The following CDK4 variants were observed in gnomAD, a reference collection of about 807,000 sequenced individuals.
CDK4 encodes cyclin-dependent kinase 4.
Under a neutral mutation model 36.7 loss-of-function variants are expected in CDK4, and 13 were observed. The observed-to-expected ratio is 0.35, with a 90% confidence interval of 0.23 to 0.56. CDK4 has a LOEUF of 0.56. CDK4 is among the 20% of genes least tolerant of loss of function. The pLI is 0.85. For missense variants in CDK4, 285 were observed against 387.3 expected (o/e 0.74, Z 2.22); for synonymous variants, 158 against 146.4 (o/e 1.08, Z -0.57).
At position 57,750,926 on chromosome 12, in the gene CDK4, G is replaced by A. The variant is rs747084709; in HGVS notation, c.519C>T (p.Pro173=). 1.4e-5 allele frequency: 22 copies of A among 1,614,150 alleles called. No individual in the cohort carries two copies. The highest frequency in any genetic ancestry group is 4.5e-5 in the East Asian group (2 of 44,882). The stretch of plus-strand genomic sequence containing the variant: ...TTGGTACCATCTTTCTACTGACCAC[G>A]GGTGTAAGTGCCATCTGGTAGCTGT... ...RIYSYQMALT[P]VVVTLWYRAP... is the part of the protein sequence containing the mutation. The change falls in exon 4 of 8, where the codon CCC becomes CCT. Residue 173 remains proline (P), a synonymous_variant. Coordinates refer to ENST00000257904, the MANE Select transcript of CDK4 (RefSeq NM_000075.4).
In CDK4 at chr12:57,748,998, G is replaced by A. The variant is rs538665809; in HGVS notation, c.819+184C>T. The A allele has an allele frequency of 1.7e-5, 13 of 777,666 alleles. No individual in the cohort carries two copies. The African/African-American group carries it at 1.7e-4, about 10-fold the overall frequency. 48.2% of individuals were successfully genotyped at this position (777,666 alleles called of 1,614,324 possible). A position where few individuals can be genotyped will look rare whatever the true frequency, so the allele number is the denominator to read the frequency against. ...TGGGATTACAGGCGTGAGCCACCGT[G>A]CCCAGCCAGGATGGGTTCTCTTCTA... On this transcript the variant is annotated intron_variant, in intron 7 of 7. Transcript: ENST00000257904.
chr12:57,748,167 C>G lies in CDK4; in HGVS notation c.*358G>C, dbSNP rs1242194964. On this transcript the variant is annotated 3_prime_UTR_variant, in exon 8 of 8. Coordinates refer to ENST00000257904, the MANE Select transcript of CDK4 (RefSeq NM_000075.4). ...AGGTTTTGCAGGAAAGTCCCTTCTT[C>G]CAAGTGGTTTTTCCAAATCGCACAA... The G allele has an allele frequency of 2.8e-6, 1 of 351,722 alleles. No individual in the cohort carries two copies. Among genetic ancestry groups the G allele is most frequent in the Non-Finnish European group, 5.3e-6 (1 of 189,340 alleles). 21.8% of individuals were successfully genotyped at this position (351,722 alleles called of 1,614,324 possible).
chr12:57,751,540 G>A lies in CDK4; in HGVS notation c.178C>T (p.Leu60=), dbSNP rs1595110993. 9 of 1,614,000 alleles carry A rather than the reference G, an allele frequency of 5.6e-6. 1 individual carries two copies. In the Admixed American group the frequency reaches 8.3e-5, roughly 15 times the overall value. The part of the protein sequence containing the change: ...PISTVREVAL[L]RRLEAFEHPN... ...TGCTCAAAAGCCTCCAGTCGCCTCA[G>A]TAAAGCCACCTCACGAACTGTGCTG... The change falls in exon 2 of 8, where the codon CTG becomes TTG. Residue 60 remains leucine, a synonymous_variant. Transcript: ENST00000257904. The surrounding 1 kb of genome is among the most constrained non-coding windows in gnomAD (Gnocchi z 4.5).
At position 57,751,244 on chromosome 12, in the gene CDK4, T is replaced by A; in HGVS notation, c.317A>T (p.Lys106Met). 1 of 1,614,196 alleles carries A rather than the reference T, an allele frequency of 6.2e-7. No individual in the cohort carries two copies. Among genetic ancestry groups the A allele is most frequent in the Non-Finnish European group, 8.5e-7 (1 of 1,180,034 alleles). ...GGCTGGCAAGCCTGGTGGGGGTGCCTTGTCCAGATATGTCCTTAGGTCCTG... is the reference window on the plus strand; with the variant it reads ...GGCTGGCAAGCCTGGTGGGGGTGCCATGTCCAGATATGTCCTTAGGTCCTG... Reference protein sequence around the residue: ...VDQDLRTYLDKAPPPGLPAET... With the variant: ...VDQDLRTYLDMAPPPGLPAET... The change falls in exon 3 of 8, where the codon AAG (lysine) becomes ATG (methionine). Residue 106 changes from lysine (K) to methionine (M), a missense_variant. By Grantham distance (95) the Lys-to-Met change is moderately conservative (BLOSUM62 -1). Coordinates refer to ENST00000257904, the MANE Select transcript of CDK4 (RefSeq NM_000075.4). This position sits in a 1 kb window ranked among gnomAD's most constrained non-coding sequence, Gnocchi z 4.5.
intron 5 of CDK4, chr12:57,750,243 A>G (rs1469952836): frequency 1.6e-5 from 3 of 190,910 alleles, no homozygotes; most frequent in African/African-American, 7.0e-5. Context: ...ATTCCAGAAC[A>G]TTTCAGAGCT....
rs1299577422 is a variant in CDK4, at chr12:57,748,599, G to C, written c.838C>G (p.Pro280Ala). ...QLLLEMLTFN[P>A]HKRISAFRAL... ...CGAAAGGCAGAGATTCGCTTGTGTG[G>C]GTTAAAAGTCAGCATTTCCTGAGGG... is the stretch of plus-strand genomic sequence containing the variant. Residue 280 changes from proline (P) to alanine (A), a missense_variant, in exon 8 of 8, where the codon CCA becomes GCA. Coordinates refer to ENST00000257904, the MANE Select transcript of CDK4 (RefSeq NM_000075.4). 6.2e-7 allele frequency: 1 copy of C among 1,613,708 alleles called. No individual in the cohort carries two copies. Among genetic ancestry groups the C allele is most frequent in the Admixed American group, 1.7e-5 (1 of 60,034 alleles).
rs778696237 is a variant in CDK4, at chr12:57,750,739, G to A, written c.549C>T (p.Pro183=). 33 of 1,613,844 alleles carry A rather than the reference G, an allele frequency of 2.0e-5. No homozygotes were observed. Among genetic ancestry groups the A allele is most frequent in the Non-Finnish European group, 2.7e-5 (32 of 1,179,844 alleles). The change falls in exon 5 of 8, where the codon CCC becomes CCT. Residue 183 remains proline (P), a synonymous_variant. Transcript: ENST00000257904. ...PVVVTLWYRA[P]EVLLQSTYAT... is the part of the protein sequence containing the mutation. The stretch of plus-strand genomic sequence containing the variant: ...CATATGTGGACTGCAGAAGAACTTC[G>A]GGAGCTCGGTACCAGAGTGTAACAA...
rs1955232628 is a variant in CDK4 at position 57,751,189 on chromosome 12, C to T, written c.354+18G>A. On this transcript the variant is annotated intron_variant, in intron 3 of 7. Transcript: ENST00000257904. This position sits in a 1 kb window ranked among gnomAD's most constrained non-coding sequence, Gnocchi z 4.5. ...AAAGGTCCCAATCCACCTCTCAATG[C>T]CTACCAACCCCACTCACCTTGATCG... 6.2e-7 allele frequency: 1 copy of T among 1,614,186 alleles called. No homozygotes were observed. The highest frequency in any genetic ancestry group is 8.5e-7 in the Non-Finnish European group (1 of 1,180,026).
chr12:57,748,824 G>A lies in CDK4; in HGVS notation c.820-207C>T, dbSNP rs1595108246. 5.3e-6 allele frequency: 3 copies of A among 569,528 alleles called. No individual in the cohort carries two copies. The East Asian group carries it at 9.2e-5, about 17-fold the overall frequency. 35.3% of individuals were successfully genotyped at this position (569,528 alleles called of 1,614,324 possible). On this transcript the variant is annotated intron_variant, in intron 7 of 7. Coordinates refer to ENST00000257904, the MANE Select transcript of CDK4 (RefSeq NM_000075.4). ...GAGTTGAAGTGATTCTCCTATCTCA[G>A]CCTCCCAAGTAGCTGAGATTACAGG...
chr12:57,748,254 T>C lies in CDK4; in HGVS notation c.*271A>G, dbSNP rs1051806760. The C allele has an allele frequency of 3.1e-5, 12 of 385,606 alleles. No individual in the cohort carries two copies. The highest frequency in any genetic ancestry group is 5.8e-5 in the Non-Finnish European group (12 of 208,308). The allele number at this position is 385,606 out of a possible 1,614,324, so 23.9% of individuals were successfully genotyped here. ...AAAAAAAGACCATTATTTCTTTGTT[T>C]TGTTTTTCCTGTATAAAAAAGGACC... On this transcript the variant is annotated 3_prime_UTR_variant, in exon 8 of 8. Coordinates refer to ENST00000257904, the MANE Select transcript of CDK4 (RefSeq NM_000075.4).
intron 5 of CDK4, chr12:57,750,153 CAATAAATAAATA>C (rs140233512): frequency 0.29 from 41,462 of 141,926 alleles, 6,816 homozygotes; most frequent in East Asian, 0.66. Flanking sequence ...AACCTTATCT[CAATAAATAAATA>C]AATAAATAAA....
At position 57,748,394 on chromosome 12, in the gene CDK4, A is replaced by G. The variant is rs1955184418; in HGVS notation, c.*131T>C. 4 of 769,268 alleles carry G rather than the reference A, an allele frequency of 5.2e-6. No homozygotes were observed. In the South Asian group the frequency reaches 5.4e-5, roughly 10 times the overall value. 47.7% of individuals were successfully genotyped at this position (769,268 alleles called of 1,614,324 possible). A position where few individuals can be genotyped will look rare whatever the true frequency, so the allele number is the denominator to read the frequency against. ...GGTGGGAGGGGAATGTCATTAAGGC[A>G]GCAAAGTAATCTCTGTAGAAAGATG... On this transcript the variant is annotated 3_prime_UTR_variant, in exon 8 of 8. Transcript: ENST00000257904.
chr12:57,751,255 T>G lies in CDK4; in HGVS notation c.306A>C (p.Thr102=), dbSNP rs201202764. 1.2e-5 allele frequency: 20 copies of G among 1,614,056 alleles called. No homozygotes were observed. The highest frequency in any genetic ancestry group is 1.5e-5 in the Non-Finnish European group (18 of 1,180,040). ...CTGGTGGGGGTGCCTTGTCCAGATA[T>G]GTCCTTAGGTCCTGGTCTACATGCT... ...VFEHVDQDLR[T]YLDKAPPPGL... is the part of the protein sequence containing the mutation. Residue 102 remains threonine, a synonymous_variant, in exon 3 of 8, where the codon ACA becomes ACC. Transcript: ENST00000257904. The surrounding 1 kb of genome is among the most constrained non-coding windows in gnomAD (Gnocchi z 4.5).
Position 57,751,877 on chromosome 12 carries a change from C to G in CDK4, c.-19-141G>C. On this transcript the variant is annotated intron_variant, in intron 1 of 7. Transcript: ENST00000257904. The surrounding 1 kb of genome is among the most constrained non-coding windows in gnomAD (Gnocchi z 4.5). ...CCCCCGCTCCCAGTCTTCCTTGGGG[C>G]CGGCCCCAGAGATAACACAATGACT... The G allele has an allele frequency of 2.9e-6, 2 of 683,784 alleles. No individual in the cohort carries two copies. Among genetic ancestry groups the G allele is most frequent in the South Asian group, 3.3e-5 (2 of 60,974 alleles). The allele number at this position is 683,784 out of a possible 1,614,324, so 42.4% of individuals were successfully genotyped here.
rs1019211721 is a variant in CDK4, at chr12:57,751,901, C to T, written c.-19-165G>A. On this transcript the variant is annotated intron_variant, in intron 1 of 7. Transcript: ENST00000257904. This position sits in a 1 kb window ranked among gnomAD's most constrained non-coding sequence, Gnocchi z 4.5. Reference sequence around the variant, plus strand: ...GCCGGCCCCAGAGATAACACAATGACTCAATACCAACCCCTCCAGCCACGT... The same window carrying T: ...GCCGGCCCCAGAGATAACACAATGATTCAATACCAACCCCTCCAGCCACGT... 9 of 641,248 alleles carry T rather than the reference C, an allele frequency of 1.4e-5. No individual in the cohort carries two copies. The African/African-American group carries it at 1.6e-4, about 12-fold the overall frequency. 39.7% of individuals were successfully genotyped at this position (641,248 alleles called of 1,614,324 possible).
At position 57,748,239 on chromosome 12, in the gene CDK4, C is replaced by T. The variant is rs1471098856; in HGVS notation, c.*286G>A. ...GAAACATTAAAAAAAAAAAAAAGAC[C>T]ATTATTTCTTTGTTTTGTTTTTCCT... On this transcript the variant is annotated 3_prime_UTR_variant, in exon 8 of 8. Coordinates refer to ENST00000257904, the MANE Select transcript of CDK4 (RefSeq NM_000075.4). 1 of 349,374 alleles carries T rather than the reference C, an allele frequency of 2.9e-6. No individual in the cohort carries two copies. The highest frequency in any genetic ancestry group is 4.5e-5 in the Admixed American group (1 of 22,252). The allele number at this position is 349,374 out of a possible 1,614,324, so 21.6% of individuals were successfully genotyped here.
chr12:57,750,508 A>G, intron 5 of CDK4, 148 bp downstream of exon 5: 1 of 716,258 alleles, frequency 1.4e-6, no homozygotes, highest in Non-Finnish European at 2.6e-6. Flanking sequence ...TTGAAGCTGC[A>G]GTGAGCTGTG....
At chr12:57,749,077 T>C in intron 7 of CDK4, 105 bp downstream of exon 7, 1 of 1,423,676 alleles carries the variant, frequency 7.0e-7, no homozygotes, top group Non-Finnish European at 9.9e-7. Flanking sequence ...ACAGCCCATC[T>C]ACCAACCAAG....
intron 1 of CDK4, 147 bp downstream of exon 1, chr12:57,752,014 TCCTACACCTCAGTC>T (rs1955243551): frequency 2.1e-6 from 1 of 480,994 alleles, no homozygotes; most frequent in Non-Finnish European, 3.8e-6. Flanking sequence ...GCATCGAAGA[TCCTACACCTCAGTC>T]CCTAAAATTA....
Sources: gnomAD v4.1 joint callset for allele counts on GRCh38, gnomAD v4.1.1 for gene constraint, Gnocchi (gnomAD v3.1) non-coding constraint, MANE v1.5 for transcripts, NCBI Gene and HGNC (gene_info 2026-07-23, HGNC 2026-07-21) for gene names.